HIVEP3: variants seen among roughly 807,000 people sequenced by gnomAD.
The protein encoded by HIVEP3 is transcription factor HIVEP3.
HIVEP3 carries 49 observed loss-of-function variants against 152.8 expected under a neutral mutation model. That is an observed-to-expected ratio of 0.32 (90% CI 0.26 to 0.41). The LOEUF (loss-of-function observed/expected upper bound fraction) is 0.41. Among genes scored for constraint, HIVEP3 ranks in the 10% least tolerant of loss-of-function variants. The pLI is 1.00. For missense variants in HIVEP3, 2,790 were observed against 3,103.3 expected (o/e 0.90, Z 2.40); for synonymous variants, 1,269 against 1,289.0 (o/e 0.98, Z 0.33).
At position 41,513,699 on chromosome 1, in the gene HIVEP3, G is replaced by T. The variant is rs760265220; in HGVS notation, c.5522C>A (p.Ala1841Asp). ...QDSEGREGSE[A>D]VEEHQFSDLE... is the part of the protein sequence containing the mutation. ...GTCCGAAAACTGGTGCTCCTCCACAGCCTCTGAACCCTCTCGTCCTTCCGA... is the reference window on the plus strand; with the variant it reads ...GTCCGAAAACTGGTGCTCCTCCACATCCTCTGAACCCTCTCGTCCTTCCGA... The change falls in exon 8 of 9, where the codon GCT becomes GAT. Residue 1841 changes from alanine (A) to aspartate (D), a missense_variant. Ala to Asp is a moderately radical substitution (Grantham distance 126). Coordinates refer to ENST00000372583, the MANE Select transcript of HIVEP3 (RefSeq NM_024503.5). 2.7e-5 allele frequency: 43 copies of T among 1,607,562 alleles called. No homozygotes were observed. The highest frequency in any genetic ancestry group is 3.1e-5 in the Non-Finnish European group (36 of 1,177,264).
intron 2 of HIVEP3, among the ~76,000 whole-genome samples, chr1:41,676,869 C>T (rs910151249): frequency 1.3e-5 from 2 of 152,196 alleles, no homozygotes; most frequent in Non-Finnish European, 2.9e-5. Context: ...GGATTTTTCA[C>T]CCTGCAACAG....
chr1:42,019,056 T>C (rs372016141), intron 1 of HIVEP3, among the ~76,000 whole-genome samples: 21 of 152,186 alleles, frequency 1.4e-4, no homozygotes, highest in African/African-American at 4.3e-4. Context: ...TAAGAACTCA[T>C]AGAGGTTGAG....
chr1:42,008,335 T>C (rs1437108877), intron 1 of HIVEP3, among the ~76,000 whole-genome samples: 1 of 152,222 alleles, frequency 6.6e-6, no homozygotes, highest in Non-Finnish European at 1.5e-5. Flanking sequence ...ATTATGACTT[T>C]GTATTTTTCC....
At chr1:41,745,878 G>A (rs750496123) in intron 1 of HIVEP3, among the ~76,000 whole-genome samples, 1 of 152,236 alleles carries the variant, frequency 6.6e-6, no homozygotes, top group Non-Finnish European at 1.5e-5. Context: ...TGAGGCTTCA[G>A]GGCCTGTCAG....
intron 1 of HIVEP3, among the ~76,000 whole-genome samples, chr1:41,968,982 T>C (rs1362408509): frequency 1.3e-5 from 2 of 152,014 alleles, no homozygotes; most frequent in African/African-American, 4.8e-5. Context: ...GAATAAAATA[T>C]GTAGGATTGC....
chr1:41,989,500 T>C (rs182596641), intron 1 of HIVEP3, among the ~76,000 whole-genome samples: 29 of 152,278 alleles, frequency 1.9e-4, no homozygotes, highest in Admixed American at 1.6e-3. Flanking sequence ...CAAGTGGTCA[T>C]GGAAGGCTTC....
At chr1:41,814,795 T>C (rs1016349807) in intron 1 of HIVEP3, among the ~76,000 whole-genome samples, 1 of 152,248 alleles carries the variant, frequency 6.6e-6, no homozygotes, top group South Asian at 2.1e-4. Context: ...TTCCCCATTT[T>C]AAAATGGAGA....
intron 1 of HIVEP3, among the ~76,000 whole-genome samples, chr1:41,806,037 A>G (rs1222202411): frequency 6.6e-6 from 1 of 152,194 alleles, no homozygotes; most frequent in Non-Finnish European, 1.5e-5. Context: ...TAGAAGCAGT[A>G]CCAGCTGAGG....
intron 1 of HIVEP3, among the ~76,000 whole-genome samples, chr1:41,869,796 T>A (rs561024315): frequency 1.3e-5 from 2 of 152,336 alleles, no homozygotes; most frequent in South Asian, 2.1e-4. Context: ...TACAGTTTTT[T>A]AATATCAATT....
chr1:41,828,715 T>A (rs906943855), intron 1 of HIVEP3, among the ~76,000 whole-genome samples: 1 of 152,212 alleles, frequency 6.6e-6, no homozygotes, highest in Non-Finnish European at 1.5e-5. Context: ...AACAGGTGCC[T>A]TGCCCGAGAC....
chr1:41,841,824 T>C (rs764992707), intron 1 of HIVEP3, among the ~76,000 whole-genome samples: 6 of 152,312 alleles, frequency 3.9e-5, no homozygotes, highest in Non-Finnish European at 7.4e-5. Flanking sequence ...GTGGGGTGGC[T>C]CACTCCTATA....
intron 1 of HIVEP3, among the ~76,000 whole-genome samples, chr1:41,975,158 A>C (rs942225895): frequency 6.6e-6 from 1 of 152,136 alleles, no homozygotes; most frequent in Non-Finnish European, 1.5e-5. Context: ...CAAGCTTCCA[A>C]GCCTCCTGTG....
At chr1:41,613,912 CAT>C (rs1644931182) in intron 3 of HIVEP3, among the ~76,000 whole-genome samples, 1 of 152,224 alleles carries the variant, frequency 6.6e-6, no homozygotes, top group Admixed American at 6.5e-5. Flanking sequence ...AATCACCCGC[CAT>C]ATGTCCTTTT....
At position 41,737,682 on chromosome 1, in the gene HIVEP3, A is replaced by C. The variant is rs112051666; in HGVS notation, c.-800-36687T>G. The stretch of plus-strand genomic sequence containing the variant: ...AATGACTTATCAAGGTCACGTGGTT[A>C]ATTAAATAGAAGGTGGGGCGGGGAA... On this transcript the variant is annotated intron_variant, in intron 1 of 8. Transcript: ENST00000372583. Among the ~76,000 whole-genome samples the C allele has an allele frequency of 1.2e-3, 183 of 152,346 alleles. 1 individual carries two copies. Among genetic ancestry groups the C allele is most frequent in the African/African-American group, 3.8e-3 (159 of 41,582 alleles).
At chr1:41,720,531 C>T (rs764738751) in intron 1 of HIVEP3, among the ~76,000 whole-genome samples, 7 of 152,176 alleles carry the variant, frequency 4.6e-5, no homozygotes, top group Non-Finnish European at 8.8e-5. Context: ...ACAGGTGAGA[C>T]CAGAGTCAGG....
intron 1 of HIVEP3, among the ~76,000 whole-genome samples, chr1:41,801,760 A>G (rs551941346): frequency 5.7e-4 from 86 of 151,818 alleles, no homozygotes; most frequent in African/African-American, 1.7e-3. Context: ...ATAAAATAAG[A>G]TAAAAAAAAA....
At chr1:41,526,990 C>T (rs577349126) in intron 5 of HIVEP3, among the ~76,000 whole-genome samples, 23 of 137,708 alleles carry the variant, frequency 1.7e-4, no homozygotes, top group African/African-American at 5.7e-4. Context: ...ACACTCCACA[C>T]CCCTGCACTC....
intron 1 of HIVEP3, among the ~76,000 whole-genome samples, chr1:41,968,517 G>A (rs987873625): frequency 7.2e-5 from 11 of 152,198 alleles, no homozygotes; most frequent in Middle Eastern, 3.4e-3. Flanking sequence ...ATCCCTTCAC[G>A]TTAAAAATTC....
In HIVEP3 at chr1:41,533,446, C is replaced by T. The variant is rs1027589958; in HGVS notation, c.5208-8536G>A. Among the ~76,000 whole-genome samples, 12 of 152,114 alleles carry T rather than the reference C, an allele frequency of 7.9e-5. No individual in the cohort carries two copies. The highest frequency in any genetic ancestry group is 1.9e-4 in the East Asian group (1 of 5,156). Reference sequence around the variant, plus strand: ...CCCAAGCCTCCCTGGGCCCAAATCCCGGGCCAGCTCTGCTGTCCCTCTTTC... The same window carrying T: ...CCCAAGCCTCCCTGGGCCCAAATCCTGGGCCAGCTCTGCTGTCCCTCTTTC... On this transcript the variant is annotated intron_variant, in intron 5 of 8. Coordinates refer to ENST00000372583, the MANE Select transcript of HIVEP3 (RefSeq NM_024503.5). This position sits in a 1 kb window ranked among gnomAD's most constrained non-coding sequence, Gnocchi z 4.3.
Sources: allele counts gnomAD v4.1 joint callset (sites outside exome capture counted in the v4.1 genomes callset), GRCh38; gene constraint gnomAD v4.1.1; non-coding constraint Gnocchi (gnomAD v3.1); transcripts MANE v1.5; gene names NCBI Gene and HGNC (gene_info 2026-07-23, HGNC 2026-07-21).